CCNT2: variants seen among roughly 807,000 people sequenced by gnomAD.
The protein encoded by CCNT2 is cyclin T2.
Under a neutral mutation model 70.0 loss-of-function variants are expected in CCNT2, and 18 were observed. The ratio of observed to expected loss-of-function variants is 0.26; its 90% CI spans 0.18 to 0.38. The LOEUF is 0.38. CCNT2 is among the 10% of genes least tolerant of loss of function. The probability of loss-of-function intolerance (pLI) is 1.00; values close to 1 mark genes in which losing one functional copy is unlikely to be tolerated. For missense variants in CCNT2, 734 were observed against 890.2 expected, an observed-to-expected ratio of 0.82 and a Z score of 2.23; for synonymous variants, 334 against 313.3, an observed-to-expected ratio of 1.07 and a Z score of -0.70.
At chr2:134,945,205 C>A in intron 5 of CCNT2, 5 of 985,222 alleles carry the variant, frequency 5.1e-6, no homozygotes, top group Non-Finnish European at 6.0e-6. Flanking sequence ...TTACAGGTGC[C>A]ATGAATAAAA....
chr2:134,947,690 A>G (rs762038312), intron 6 of CCNT2, 46 bp from the exon 7 acceptor site: 17 of 1,357,776 alleles, frequency 1.3e-5, no homozygotes, highest in Non-Finnish European at 4.9e-6. Flanking sequence ...TGTTTTACAT[A>G]CTTGAATTTT....
intron 2 of CCNT2, 97 bp downstream of exon 2, chr2:134,919,988 T>A: frequency 1.3e-6 from 1 of 782,420 alleles, no homozygotes; most frequent in South Asian, 1.5e-5. Flanking sequence ...TTTAGTGTTC[T>A]GAATTAACGG....
chr2:134,942,907 G>A (rs562049600), intron 5 of CCNT2: 39 of 1,324,588 alleles, frequency 2.9e-5, no homozygotes, highest in Middle Eastern at 5.8e-4. Flanking sequence ...CTAAAACTCC[G>A]GAGGGCTTCC....
At chr2:134,919,052 C>T (rs747387945) in intron 1 of CCNT2, 40 bp downstream of exon 1, 15 of 1,547,390 alleles carry the variant, frequency 9.7e-6, no homozygotes, top group Admixed American at 1.9e-5. Flanking sequence ...CCCTGTTTCC[C>T]TTGCCCGGTC....
chr2:134,931,612 A>G (rs1043779762), intron 2 of CCNT2, among the ~76,000 whole-genome samples: 2 of 152,118 alleles, frequency 1.3e-5, no homozygotes, highest in East Asian at 1.9e-4. Context: ...GGATTTTTAT[A>G]GGGATGACAT....
intron 2 of CCNT2, among the ~76,000 whole-genome samples, chr2:134,934,606 G>A (rs915196565): frequency 6.6e-6 from 1 of 152,166 alleles, no homozygotes; most frequent in Admixed American, 6.5e-5. Context: ...ATCTAAAAAG[G>A]TGTTTTGTTT....
chr2:134,952,137 A>G (rs1478396407), intron 7 of CCNT2, among the ~76,000 whole-genome samples: 24 of 152,216 alleles, frequency 1.6e-4, no homozygotes, highest in Non-Finnish European at 4.4e-5. Context: ...ATAACTGGTC[A>G]TGACAACCGT....
chr2:134,949,935 C>T (rs1315697834), intron 7 of CCNT2, among the ~76,000 whole-genome samples: 2 of 151,992 alleles, frequency 1.3e-5, no homozygotes, highest in African/African-American at 4.8e-5. Flanking sequence ...GCTGGGATTA[C>T]AGGTGCCTGC....
intron 2 of CCNT2, among the ~76,000 whole-genome samples, chr2:134,920,745 G>T (rs1178431455): frequency 1.3e-5 from 2 of 152,128 alleles, no homozygotes; most frequent in Non-Finnish European, 2.9e-5. Flanking sequence ...TGAAAGGTAT[G>T]TGTAGAAAAA....
At chr2:134,937,679 G>A (rs1681260700) in intron 3 of CCNT2, among the ~76,000 whole-genome samples, 1 of 152,194 alleles carries the variant, frequency 6.6e-6, no homozygotes, top group Non-Finnish European at 1.5e-5. Flanking sequence ...ACTTTGGGAG[G>A]CCGAGGCAGG....
intron 5 of CCNT2, chr2:134,945,846 C>A: frequency 6.8e-7 from 1 of 1,470,780 alleles, no homozygotes; most frequent in Admixed American, 2.0e-5. Flanking sequence ...CAAGTTTAGC[C>A]CTTGTAACTG....
Position 134,952,369 on chromosome 2 carries a change from A to AT in CCNT2, c.704-270dup, listed in dbSNP as rs1553526594. The stretch of plus-strand genomic sequence containing the variant: ...TTTGCCTAATGAAGATTTTTTTTTT[A>AT]TTGGGGGGGTGATTATTTTTAATGC... On this transcript the variant is annotated intron_variant, in intron 7 of 8. Coordinates refer to ENST00000264157, the MANE Select transcript of CCNT2 (RefSeq NM_058241.3). Among the ~76,000 whole-genome samples, 86 of 70,186 alleles carry AT rather than the reference A, an allele frequency of 1.2e-3. No individual in the cohort carries two copies. The South Asian group carries it at 0.023, about 18-fold the overall frequency. The allele number at this position is 70,186 out of a possible 152,430, so 46.0% of individuals were successfully genotyped here. A position where few individuals can be genotyped will look rare whatever the true frequency, so the allele number is the denominator to read the frequency against.
intron 3 of CCNT2, among the ~76,000 whole-genome samples, chr2:134,937,180 CT>C (rs1186908368): frequency 6.6e-6 from 1 of 152,150 alleles, no homozygotes; most frequent in Non-Finnish European, 1.5e-5. Flanking sequence ...TTATAGAAGG[CT>C]TTGATTCCAG....
In CCNT2 at chr2:134,957,244, A is replaced by G. The variant is rs1000401897; in HGVS notation, c.*2596A>G. On this transcript the variant is annotated 3_prime_UTR_variant, in exon 9 of 9. Transcript: ENST00000264157. ...CAAAGAAAGACTCTGATGAGTGGAC[A>G]TTATTACTGTGACTCTTGTAAGTAG... 6.6e-6 allele frequency: 1 copy of G among 152,242 alleles called. No individual in the cohort carries two copies. Among genetic ancestry groups the G allele is most frequent in the African/African-American group, 2.4e-5 (1 of 41,470 alleles). 9.4% of individuals were successfully genotyped at this position (152,242 alleles called of 1,614,324 possible).
chr2:134,918,829 A>G lies in CCNT2; in HGVS notation c.-26A>G. The G allele has an allele frequency of 6.2e-7, 1 of 1,602,240 alleles. No individual in the cohort carries two copies. The stretch of plus-strand genomic sequence containing the variant: ...AGCCAGGAGGGGCGGGGGGTGAATG[A>G]AGGAGCGGGCGGAGGAGGAAGTGTC... On this transcript the variant is annotated 5_prime_UTR_variant, in exon 1 of 9. Transcript: ENST00000264157.
In CCNT2 at chr2:134,954,863, T is replaced by C. The variant is rs1403489554; in HGVS notation, c.*215T>C. On this transcript the variant is annotated 3_prime_UTR_variant, in exon 9 of 9. Transcript: ENST00000264157. ...TAGTGTTATAAATACTGTAAAAGCA[T>C]GGAAGGTGCAAAACTCAGTATTTCT... 3 of 484,782 alleles carry C rather than the reference T, an allele frequency of 6.2e-6. No homozygotes were observed. Among genetic ancestry groups the C allele is most frequent in the African/African-American group, 5.7e-5 (3 of 52,224 alleles). The allele number at this position is 484,782 out of a possible 1,614,324, so 30.0% of individuals were successfully genotyped here.
In CCNT2 at chr2:134,948,269, T is replaced by G. The variant is rs921652807; in HGVS notation, c.703+370T>G. Among the ~76,000 whole-genome samples, 66 of 152,218 alleles carry G rather than the reference T, an allele frequency of 4.3e-4. 1 individual carries two copies. The highest frequency in any genetic ancestry group is 6.8e-3 in the Middle Eastern group (2 of 294). On this transcript the variant is annotated intron_variant, in intron 7 of 8. Coordinates refer to ENST00000264157, the MANE Select transcript of CCNT2 (RefSeq NM_058241.3). ...GGGAAGTCAGGGCTGCGGTAAGCCTTGAAGGCACTGCTCTACTCCAGCCTG... is the reference window on the plus strand; with the variant it reads ...GGGAAGTCAGGGCTGCGGTAAGCCTGGAAGGCACTGCTCTACTCCAGCCTG...
intron 6 of CCNT2, among the ~76,000 whole-genome samples, chr2:134,947,094 C>G (rs1682037914): frequency 6.6e-6 from 1 of 152,144 alleles, no homozygotes; most frequent in South Asian, 2.1e-4. Flanking sequence ...ATATTTCATG[C>G]CCCATATTTG....
In CCNT2 at chr2:134,956,442, G is replaced by T. The variant is rs538180607; in HGVS notation, c.*1794G>T. The stretch of plus-strand genomic sequence containing the variant: ...ACTTCAGTAATCTTTGTCATTATAT[G>T]TAACTTTGTTGCTCTGTATGGCATA... On this transcript the variant is annotated 3_prime_UTR_variant, in exon 9 of 9. Transcript: ENST00000264157. 2 of 152,366 alleles carry T rather than the reference G, an allele frequency of 1.3e-5. No homozygotes were observed. The highest frequency in any genetic ancestry group is 4.1e-4 in the South Asian group (2 of 4,832). The allele number at this position is 152,366 out of a possible 1,614,324, so 9.4% of individuals were successfully genotyped here.
Sources: gnomAD v4.1 joint callset for allele counts (sites outside exome capture counted in the v4.1 genomes callset) on GRCh38, gnomAD v4.1.1 for gene constraint, MANE v1.5 for transcripts, NCBI Gene and HGNC (gene_info 2026-07-23, HGNC 2026-07-21) for gene names.